RNASEH2B: variants seen among roughly 807,000 people sequenced by gnomAD.
RNASEH2B encodes ribonuclease H2 subunit B.
Under a neutral mutation model 45.0 loss-of-function variants are expected in RNASEH2B, and 36 were observed. The observed-to-expected ratio is 0.80, with a 90% CI of 0.61 to 1.06. The LOEUF is 1.06. Ranked by LOEUF, RNASEH2B falls within the 50% of genes least tolerant of loss-of-function variation. RNASEH2B has a pLI of 0.00. For missense variants in RNASEH2B, 361 were observed against 360.3 expected (o/e 1.00, Z -0.02); for synonymous variants, 119 against 125.7 (o/e 0.95, Z 0.35).
At position 50,963,609 on chromosome 13, in the gene RNASEH2B, A is replaced by G. The variant is rs1002563064; in HGVS notation, c.742-6323A>G. On this transcript the variant is annotated intron_variant, in intron 9 of 9. Coordinates refer to the RNASEH2B transcript ENST00000422660. ...TTAAATGTCCTCATTTGCTAGTTCT[A>G]TTATCTTTGTTATTTTCTATCTTCT... 2.6e-5 allele frequency among the ~76,000 whole-genome samples: 4 copies of G among 152,090 alleles called. No homozygotes were observed. The East Asian group carries it at 5.8e-4, about 22-fold the overall frequency.
intron 1 of RNASEH2B, among the ~76,000 whole-genome samples, chr13:50,925,446 T>A (rs147213152): frequency 2.0e-5 from 3 of 152,358 alleles, no homozygotes; most frequent in African/African-American, 7.2e-5. Flanking sequence ...ATTTTGTATT[T>A]CTATAAAATA....
intron 4 of RNASEH2B, among the ~76,000 whole-genome samples, chr13:50,931,508 C>T (rs1422192828): frequency 1.3e-5 from 2 of 152,010 alleles, no homozygotes; most frequent in Admixed American, 6.6e-5. Flanking sequence ...TTTAATGAGG[C>T]GTGTGGCATT....
chr13:50,947,261 T>A (rs1334080373), intron 7 of RNASEH2B, among the ~76,000 whole-genome samples: 1 of 152,156 alleles, frequency 6.6e-6, no homozygotes, highest in Non-Finnish European at 1.5e-5. Context: ...TGTCTTCTTA[T>A]GTAACTGTAT....
At chr13:50,937,131 A>G (rs1419968826) in intron 5 of RNASEH2B, 3 of 152,156 alleles carry the variant, frequency 2.0e-5, no homozygotes, top group African/African-American at 7.2e-5. Flanking sequence ...GTTTCTTTTT[A>G]TCAAATTCTT....
chr13:50,953,691 A>G (rs1402383224), intron 9 of RNASEH2B: 23 of 591,868 alleles, frequency 3.9e-5, no homozygotes, highest in Non-Finnish European at 1.8e-5. Context: ...CATATCCACC[A>G]TCACCAAGGC....
intron 4 of RNASEH2B, chr13:50,934,535 GGTT>G: frequency 3.0e-6 from 1 of 335,312 alleles, no homozygotes; most frequent in Non-Finnish European, 5.7e-6. Flanking sequence ...GACCACAGCT[GGTT>G]CTTCAAATTG....
chr13:50,944,573 A>T (rs1951876757), intron 6 of RNASEH2B, among the ~76,000 whole-genome samples: 1 of 152,220 alleles, frequency 6.6e-6, no homozygotes. Flanking sequence ...TACCTGTATG[A>T]CAAACCTGCA....
At chr13:50,933,298 C>A (rs1951705546) in intron 4 of RNASEH2B, among the ~76,000 whole-genome samples, 1 of 152,218 alleles carries the variant, frequency 6.6e-6, no homozygotes, top group Non-Finnish European at 1.5e-5. Context: ...TTAACCCTGT[C>A]TTGGCACTCT....
intron 3 of RNASEH2B, 66 bp downstream of exon 3, chr13:50,929,648 G>T: frequency 2.0e-6 from 2 of 1,003,474 alleles, no homozygotes; most frequent in Non-Finnish European, 1.6e-6. Context: ...TTCTTCACAC[G>T]TGGGGTTGTG....
chr13:50,910,200 C>G (rs1020774673), intron 1 of RNASEH2B, 60 bp downstream of exon 1: 9 of 1,234,268 alleles, frequency 7.3e-6, no homozygotes, highest in Non-Finnish European at 9.4e-6. Flanking sequence ...GGCCCGCGAC[C>G]CCGGGCGCGC....
At chr13:50,962,354 A>G (rs1952120188) in intron 9 of RNASEH2B, among the ~76,000 whole-genome samples, 1 of 152,114 alleles carries the variant, frequency 6.6e-6, no homozygotes, top group South Asian at 2.1e-4. Context: ...TTTGGGGGAA[A>G]CTTTTAAATT....
At chr13:50,914,753 A>G (rs1879636895) in intron 1 of RNASEH2B, among the ~76,000 whole-genome samples, 1 of 152,194 alleles carries the variant, frequency 6.6e-6, no homozygotes. Context: ...TGGGACATTT[A>G]TAAGTAAGAA....
At position 50,921,034 on chromosome 13, in the gene RNASEH2B, C is replaced by T. The variant is rs142180943; in HGVS notation, c.65-6373C>T. 6.6e-4 allele frequency: 100 copies of T among 152,326 alleles called. 1 individual carries two copies. Among genetic ancestry groups the T allele is most frequent in the African/African-American group, 2.0e-3 (85 of 41,566 alleles). The allele number at this position is 152,326 out of a possible 1,614,324, so 9.4% of individuals were successfully genotyped here. The stretch of plus-strand genomic sequence containing the variant: ...CATATTTTGATCTTATTATTCCCTA[C>T]GTGTTCTCGACTTTTTCCACGTAGT... On this transcript the variant is annotated intron_variant, in intron 1 of 10. Transcript: ENST00000336617.
Position 50,927,447 on chromosome 13 carries a change from A to G in RNASEH2B, c.105A>G (p.Leu35=). 1 of 1,602,760 alleles carries G rather than the reference A, an allele frequency of 6.2e-7. No homozygotes were observed. The highest frequency in any genetic ancestry group is 8.5e-7 in the Non-Finnish European group (1 of 1,169,840). The change falls in exon 2 of 11, where the codon CTA becomes CTG. Residue 35 remains leucine, a synonymous_variant. Transcript: ENST00000336617. Reference sequence around the variant, plus strand: ...CTTCAAAGAAGATGAAAAATGGGCTAATGTTTGTAAAACTGGTTAACCCCT... The same window carrying G: ...CTTCAAAGAAGATGAAAAATGGGCTGATGTTTGTAAAACTGGTTAACCCCT... ...KDASKKMKNG[L]MFVKLVNPCS...
At chr13:50,929,434 G>T in intron 2 of RNASEH2B, 41 bp from the exon 3 acceptor site, 1 of 1,187,760 alleles carries the variant, frequency 8.4e-7, no homozygotes, top group Non-Finnish European at 1.3e-6. Flanking sequence ...TTGTGTGTGT[G>T]TGTGAAAACT....
chr13:50,929,518 G>C lies in RNASEH2B; in HGVS notation c.180G>C (p.Leu60=), dbSNP rs556877869. The change falls in exon 3 of 11, where the codon CTG becomes CTC. Residue 60 remains leucine (L), a synonymous_variant. Coordinates refer to ENST00000336617, the MANE Select transcript of RNASEH2B (RefSeq NM_024570.4). ...TGTTCAATATGTGTCTACAGCAGCT[G>C]TTTGAAGTAAAAGTTTTCAAGGAAA... ...IYLFNMCLQQ[L]FEVKVFKEKH... is the part of the protein sequence containing the mutation. 1.2e-6 allele frequency: 2 copies of C among 1,613,880 alleles called. No individual in the cohort carries two copies. Among genetic ancestry groups the C allele is most frequent in the African/African-American group, 1.3e-5 (1 of 75,024 alleles).
At chr13:50,925,419 CT>C (rs1566078167) in intron 1 of RNASEH2B, among the ~76,000 whole-genome samples, 1 of 152,094 alleles carries the variant, frequency 6.6e-6, no homozygotes, top group Non-Finnish European at 1.5e-5. Flanking sequence ...CGAATTTTGT[CT>C]TTTTGGGTGA....
intron 1 of RNASEH2B, among the ~76,000 whole-genome samples, chr13:50,923,549 A>G (rs1302717916): frequency 6.6e-6 from 1 of 152,198 alleles, no homozygotes; most frequent in Non-Finnish European, 1.5e-5. Context: ...AAATAAAGAG[A>G]GTCTCAACAA....
intron 7 of RNASEH2B, 42 bp from the exon 8 acceptor site, chr13:50,947,945 A>G (rs759766076): frequency 3.9e-6 from 5 of 1,276,376 alleles, no homozygotes; most frequent in Non-Finnish European, 5.4e-6. Flanking sequence ...CATAATTACT[A>G]TTTTTTTTTT....
Sources: gnomAD v4.1 joint callset for allele counts (sites outside exome capture counted in the v4.1 genomes callset) on GRCh38, gnomAD v4.1.1 for gene constraint, MANE v1.5 for transcripts, NCBI Gene and HGNC (gene_info 2026-07-23, HGNC 2026-07-21) for gene names.